The following SBF2 variants were observed in gnomAD, a reference collection of about 807,000 sequenced individuals.
The protein encoded by SBF2 is myotubularin-related protein 13.
Under a neutral mutation model 225.2 loss-of-function variants are expected in SBF2, and 112 were observed. The ratio of observed to expected loss-of-function variants is 0.50; its 90% CI spans 0.43 to 0.58. The LOEUF (loss-of-function observed/expected upper bound fraction) is 0.58. Ranked by LOEUF, SBF2 falls within the 20% of genes least tolerant of loss-of-function variation. SBF2 has a pLI of 0.00. For missense variants in SBF2, 1,996 were observed against 2,206.2 expected, an observed-to-expected ratio of 0.90 and a Z score of 1.91; for synonymous variants, 763 against 773.3, an observed-to-expected ratio of 0.99 and a Z score of 0.22.
chr11:9,911,086 G>A (rs978098886), intron 16 of SBF2, among the ~76,000 whole-genome samples: 1 of 150,934 alleles, frequency 6.6e-6, no homozygotes, highest in Non-Finnish European at 1.5e-5. Context: ...AAAAAAACAC[G>A]ACTGGGCACG....
chr11:9,817,742 CAAAAAAAAAAAAAA>C lies in SBF2; in HGVS notation c.3794-732_3794-719del, dbSNP rs1161708572. On this transcript the variant is annotated intron_variant, in intron 28 of 39. Transcript: ENST00000256190. ...CAACATGGTGAAACCCCGTCTCTAC[CAAAAAAAAAAAAAA>C]AAAAAAAAAAACTACAAAAAGACAC... Among the ~76,000 whole-genome samples, 3 of 57,326 alleles carry C rather than the reference CAAAAAAAAAAAAAA, an allele frequency of 5.2e-5. No homozygotes were observed. In the Admixed American group the frequency reaches 5.6e-4, roughly 11 times the overall value. 37.6% of individuals were successfully genotyped at this position (57,326 alleles called of 152,430 possible). A position where few individuals can be genotyped will look rare whatever the true frequency, so the allele number is the denominator to read the frequency against.
intron 26 of SBF2, among the ~76,000 whole-genome samples, chr11:9,833,774 C>CTTTTTT: frequency 7.8e-6 from 1 of 127,674 alleles, no homozygotes; most frequent in Non-Finnish European, 1.6e-5. Context: ...TCATGCTATC[C>CTTTTTT]TTTTTTTTTT....
chr11:10,038,085 G>A (rs1162646444), intron 3 of SBF2, among the ~76,000 whole-genome samples: 1 of 151,890 alleles, frequency 6.6e-6, no homozygotes, highest in East Asian at 1.9e-4. Context: ...GTCTGCTTCT[G>A]GAGTATTGGT....
At chr11:9,834,906 C>T (rs1279434772) in intron 26 of SBF2, among the ~76,000 whole-genome samples, 1 of 152,170 alleles carries the variant, frequency 6.6e-6, no homozygotes, top group African/African-American at 2.4e-5. Context: ...TGTGAATGAG[C>T]ACTACACACA....
At chr11:9,936,506 A>C (rs186468367) in intron 16 of SBF2, among the ~76,000 whole-genome samples, 6 of 152,344 alleles carry the variant, frequency 3.9e-5, no homozygotes. Context: ...ATGCACATGT[A>C]TGTTTATTGC....
chr11:9,875,657 T>A (rs554833441), intron 17 of SBF2, among the ~76,000 whole-genome samples: 2 of 152,302 alleles, frequency 1.3e-5, no homozygotes, highest in South Asian at 4.1e-4. Flanking sequence ...CAAGGCAGGG[T>A]CAGCCATATA....
intron 17 of SBF2, among the ~76,000 whole-genome samples, chr11:9,895,246 C>T (rs530686293): frequency 7.2e-5 from 11 of 152,268 alleles, no homozygotes; most frequent in African/African-American, 2.6e-4. Context: ...GCTGACTGTG[C>T]ATGTAGCTGA....
At chr11:9,836,374 T>C (rs1164459080) in intron 26 of SBF2, among the ~76,000 whole-genome samples, 2 of 152,202 alleles carry the variant, frequency 1.3e-5, no homozygotes, top group Non-Finnish European at 2.9e-5. Context: ...ACATCTTCTA[T>C]CCACTGCTCT....
intron 17 of SBF2, among the ~76,000 whole-genome samples, chr11:9,861,426 G>A (rs1386538933): frequency 1.3e-5 from 2 of 152,178 alleles, no homozygotes; most frequent in African/African-American, 2.4e-5. Context: ...CACTTTGGGA[G>A]GCTGAGACAG....
intron 2 of SBF2, among the ~76,000 whole-genome samples, chr11:10,069,097 T>A (rs1351016043): frequency 2.0e-5 from 3 of 152,206 alleles, no homozygotes; most frequent in Non-Finnish European, 2.9e-5. Context: ...AATAGTACAA[T>A]GAAACCCATT....
chr11:9,939,749 C>T (rs72855628), intron 16 of SBF2, among the ~76,000 whole-genome samples: 17,033 of 152,074 alleles, frequency 0.11, 1,092 homozygotes, highest in East Asian at 0.3. Context: ...TTATTAACTA[C>T]AGGTATCAGT....
intron 2 of SBF2, among the ~76,000 whole-genome samples, chr11:10,154,343 A>AT (rs953114080): frequency 4.6e-5 from 7 of 151,918 alleles, no homozygotes; most frequent in African/African-American, 9.7e-5. Context: ...TGTATTTTTT[A>AT]TTTTTTTAAG....
chr11:9,945,923 T>TA (rs927001421), intron 16 of SBF2, among the ~76,000 whole-genome samples: 73 of 148,280 alleles, frequency 4.9e-4, no homozygotes, highest in Admixed American at 1.4e-3. Context: ...ATTAAAAAGT[T>TA]AAAAAAAAAA....
At chr11:10,256,935 ATTAT>A (rs1479768732) in intron 1 of SBF2, among the ~76,000 whole-genome samples, 1 of 152,240 alleles carries the variant, frequency 6.6e-6, no homozygotes, top group Non-Finnish European at 1.5e-5. Context: ...ATGAAAGATA[ATTAT>A]TTATTATAGA....
At chr11:10,117,412 G>A (rs1258283793) in intron 2 of SBF2, among the ~76,000 whole-genome samples, 1 of 139,208 alleles carries the variant, frequency 7.2e-6, no homozygotes, top group Non-Finnish European at 1.5e-5. Context: ...TTGCACTCCA[G>A]CCTGGGCGAC....
chr11:9,794,366 C>T (rs962184682), intron 33 of SBF2, among the ~76,000 whole-genome samples: 3 of 152,106 alleles, frequency 2.0e-5, no homozygotes, highest in African/African-American at 7.2e-5. Context: ...CCTGTAGGTA[C>T]AGGTCAGTCC....
At chr11:10,159,749 G>A (rs1955643151) in intron 2 of SBF2, among the ~76,000 whole-genome samples, 1 of 152,112 alleles carries the variant, frequency 6.6e-6, no homozygotes, top group African/African-American at 2.4e-5. Context: ...AATTAGCCGG[G>A]CGCAGTGGCG....
chr11:10,144,257 G>T (rs554984198), intron 2 of SBF2, among the ~76,000 whole-genome samples: 2 of 152,304 alleles, frequency 1.3e-5, no homozygotes, highest in South Asian at 4.1e-4. Context: ...GGAGGCAGAA[G>T]TGGGCAGATG....
chr11:10,127,200 T>C (rs1953797168), intron 2 of SBF2, among the ~76,000 whole-genome samples: 2 of 152,140 alleles, frequency 1.3e-5, no homozygotes, highest in Admixed American at 6.5e-5. Context: ...TTTATGTGTA[T>C]GCATATTTTA....
Sources: allele counts gnomAD v4.1 joint callset (sites outside exome capture counted in the v4.1 genomes callset), GRCh38; gene constraint gnomAD v4.1.1; transcripts MANE v1.5; gene names NCBI Gene and HGNC (gene_info 2026-07-23, HGNC 2026-07-21).